Variants in NAALADL2 observed in about 807,000 individuals in gnomAD.
NAALADL2 encodes the protein inactive N-acetylated-alpha-linked acidic dipeptidase-like protein 2.
A neutral mutation model predicts 87.2 loss-of-function variants in NAALADL2; 76 were observed. The observed-to-expected ratio is 0.87, with a 90% CI of 0.72 to 1.05. The LOEUF is 1.05. Ranked by LOEUF, NAALADL2 falls within the 50% of genes least tolerant of loss-of-function variation. The pLI is 0.00. For missense variants in NAALADL2, 1,089 were observed against 945.8 expected (o/e 1.15, Z -1.99); for synonymous variants, 354 against 331.0 (o/e 1.07, Z -0.75).
chr3:175,241,810 T>C (rs1452068327), intron 3 of NAALADL2, among the ~76,000 whole-genome samples: 4 of 150,846 alleles, frequency 2.7e-5, no homozygotes, highest in Non-Finnish European at 5.9e-5. Flanking sequence ...CCCACTTGAT[T>C]ACAACACATG....
chr3:175,140,071 G>A (rs887591276), intron 2 of NAALADL2, among the ~76,000 whole-genome samples: 3 of 152,100 alleles, frequency 2.0e-5, no homozygotes, highest in Non-Finnish European at 4.4e-5. Context: ...ATTCAGTCAG[G>A]CAAACCTGGC....
chr3:175,452,466 A>G (rs184069482), intron 6 of NAALADL2, among the ~76,000 whole-genome samples: 1 of 152,348 alleles, frequency 6.6e-6, no homozygotes, highest in Admixed American at 6.5e-5. Flanking sequence ...GTGGGCTTTA[A>G]TAATATTGAT....
At chr3:175,596,749 C>T (rs1722297333) in intron 10 of NAALADL2, among the ~76,000 whole-genome samples, 1 of 151,742 alleles carries the variant, frequency 6.6e-6, no homozygotes, top group African/African-American at 2.4e-5. Flanking sequence ...GATATAAATT[C>T]AGTATGTAAT....
chr3:175,464,505 T>C (rs571814464), intron 7 of NAALADL2, among the ~76,000 whole-genome samples: 1 of 152,264 alleles, frequency 6.6e-6, no homozygotes, highest in African/African-American at 2.4e-5. Context: ...AAACACATCG[T>C]AAGGCTGAAT....
At chr3:174,566,063 G>GT (rs1357354189) in intron 2 of NAALADL2, among the ~76,000 whole-genome samples, 2 of 151,432 alleles carry the variant, frequency 1.3e-5, no homozygotes, top group Non-Finnish European at 3.0e-5. Flanking sequence ...TCCATCTTCT[G>GT]TTTTGGAATT....
intron 4 of NAALADL2, among the ~76,000 whole-genome samples, chr3:175,281,743 G>A (rs1754336179): frequency 6.6e-6 from 1 of 151,772 alleles, no homozygotes; most frequent in Non-Finnish European, 1.5e-5. Flanking sequence ...TTTCAATATT[G>A]TTTATACAAG....
At chr3:175,635,467 A>C (rs1728388339) in intron 11 of NAALADL2, among the ~76,000 whole-genome samples, 1 of 152,188 alleles carries the variant, frequency 6.6e-6, no homozygotes, top group South Asian at 2.1e-4. Flanking sequence ...TATTTGTTAC[A>C]GAATCTAAAT....
chr3:175,001,371 T>A (rs1748209139), intron 1 of NAALADL2, among the ~76,000 whole-genome samples: 1 of 152,166 alleles, frequency 6.6e-6, no homozygotes, highest in Non-Finnish European at 1.5e-5. Flanking sequence ...ATCTCATGAA[T>A]CAGAATCTAC....
chr3:174,491,307 T>G (rs945485622), intron 1 of NAALADL2, among the ~76,000 whole-genome samples: 2 of 152,178 alleles, frequency 1.3e-5, no homozygotes, highest in Non-Finnish European at 2.9e-5. Context: ...CACAGTGTCT[T>G]TTGACCATCC....
chr3:174,580,005 C>T (rs1164626623), intron 2 of NAALADL2, among the ~76,000 whole-genome samples: 1 of 151,720 alleles, frequency 6.6e-6, no homozygotes, highest in Non-Finnish European at 1.5e-5. Context: ...TTTTTTAAGT[C>T]ATCAAGTGAA....
intron 11 of NAALADL2, among the ~76,000 whole-genome samples, chr3:175,702,520 A>T (rs111979777): frequency 6.6e-6 from 1 of 152,202 alleles, no homozygotes; most frequent in East Asian, 1.9e-4. Flanking sequence ...CCAAATAACA[A>T]AGTATGCTTA....
chr3:174,761,723 G>A (rs372612716), intron 3 of NAALADL2, among the ~76,000 whole-genome samples: 11 of 151,184 alleles, frequency 7.3e-5, no homozygotes, highest in African/African-American at 2.4e-4. Flanking sequence ...CCATTAACTC[G>A]TCATTTAGCA....
chr3:175,585,088 A>G (rs1024561022), intron 10 of NAALADL2, among the ~76,000 whole-genome samples: 1 of 151,924 alleles, frequency 6.6e-6, no homozygotes, highest in Non-Finnish European at 1.5e-5. Context: ...AGAGCTGTAG[A>G]AAAATATTTT....
chr3:175,242,327 T>A (rs1326238842), intron 3 of NAALADL2: 1 of 152,238 alleles, frequency 6.6e-6, no homozygotes, highest in African/African-American at 2.4e-5. Context: ...AGATACATGT[T>A]TTAATTTATA....
intron 5 of NAALADL2, among the ~76,000 whole-genome samples, chr3:175,334,492 G>T (rs1392511225): frequency 6.6e-6 from 1 of 151,932 alleles, no homozygotes; most frequent in African/African-American, 2.4e-5. Context: ...CCCCCTATAA[G>T]AAATCTATCT....
intron 1 of NAALADL2, among the ~76,000 whole-genome samples, chr3:174,927,693 G>T (rs1736284992): frequency 1.3e-5 from 2 of 152,088 alleles, no homozygotes; most frequent in African/African-American, 2.4e-5. Flanking sequence ...AGAATCTCTG[G>T]GACACATTTA....
chr3:174,471,511 G>A (rs1716903471), intron 1 of NAALADL2, among the ~76,000 whole-genome samples: 1 of 152,056 alleles, frequency 6.6e-6, no homozygotes, highest in African/African-American at 2.4e-5. Context: ...CTACCTGATT[G>A]AGAGGTGATC....
intron 3 of NAALADL2, among the ~76,000 whole-genome samples, chr3:174,833,658 C>G (rs1403356536): frequency 6.6e-6 from 1 of 151,956 alleles, no homozygotes; most frequent in Admixed American, 6.6e-5. Flanking sequence ...ATATCATTAA[C>G]AAAATACTAT....
intron 2 of NAALADL2, among the ~76,000 whole-genome samples, chr3:175,201,232 T>G (rs1739974964): frequency 6.6e-6 from 1 of 152,206 alleles, no homozygotes; most frequent in Non-Finnish European, 1.5e-5. Context: ...CCGTAACATT[T>G]GTGGAAAACC....
Sources: gnomAD v4.1 joint callset for allele counts (sites outside exome capture counted in the v4.1 genomes callset) on GRCh38, gnomAD v4.1.1 for gene constraint, MANE v1.5 for transcripts, NCBI Gene and HGNC (gene_info 2026-07-23, HGNC 2026-07-21) for gene names.